Variants in PLBD2 observed in about 807,000 individuals in gnomAD.
The protein encoded by PLBD2 is phospholipase B domain containing 2.
A neutral mutation model predicts 68.3 loss-of-function variants in PLBD2; 51 were observed. The observed-to-expected ratio is 0.75, with a 90% CI of 0.60 to 0.94. The LOEUF (loss-of-function observed/expected upper bound fraction) is 0.94. PLBD2 is among the 40% of genes least tolerant of loss of function. PLBD2 has a pLI of 0.00. For missense variants in PLBD2, 729 were observed against 792.2 expected, an observed-to-expected ratio of 0.92 and a Z score of 0.96; for synonymous variants, 314 against 339.3, an observed-to-expected ratio of 0.93 and a Z score of 0.82.
chr12:113,376,485 A>G lies in PLBD2; in HGVS notation c.859+1478A>G, dbSNP rs540468673. Among the ~76,000 whole-genome samples the G allele has an allele frequency of 4.6e-5, 7 of 152,244 alleles. No individual in the cohort carries two copies. In the South Asian group the frequency reaches 1.2e-3, roughly 27 times the overall value. On this transcript the variant is annotated intron_variant, in intron 5 of 11. Coordinates refer to ENST00000280800, the MANE Select transcript of PLBD2 (RefSeq NM_173542.4). The stretch of plus-strand genomic sequence containing the variant: ...GGCTGACACAGCATTCTTTATCCAA[A>G]TCAAGTCAGGTGGCCAGCCCAGGCT...
At chr12:113,385,081 G>A (rs906663753) in intron 8 of PLBD2, 131 bp from the exon 9 acceptor site, 7 of 1,306,010 alleles carry the variant, frequency 5.4e-6, no homozygotes, top group Non-Finnish European at 7.5e-6. Flanking sequence ...GGTGTCCCTG[G>A]TGGGGGCTGA....
intron 1 of PLBD2, among the ~76,000 whole-genome samples, chr12:113,365,079 G>T (rs895590684): frequency 2.0e-5 from 3 of 152,060 alleles, no homozygotes; most frequent in Non-Finnish European, 2.9e-5. Flanking sequence ...TAATTAGCCC[G>T]AAGTTCATGG....
intron 1 of PLBD2, among the ~76,000 whole-genome samples, chr12:113,364,805 G>T (rs1000071535): frequency 1.3e-5 from 2 of 152,044 alleles, no homozygotes; most frequent in African/African-American, 4.8e-5. Context: ...AGTGCATAAT[G>T]TGTGTTCTCT....
intron 3 of PLBD2, among the ~76,000 whole-genome samples, chr12:113,374,048 A>G (rs1366406262): frequency 2.0e-5 from 3 of 152,092 alleles, no homozygotes; most frequent in Admixed American, 1.3e-4. Flanking sequence ...CACACTGATG[A>G]TACTTTATGG....
At position 113,380,893 on chromosome 12, in the gene PLBD2, C is replaced by T. The variant is rs371541318; in HGVS notation, c.957+51C>T. ...TGTTCCTGGGGTGTTTGTCACACGG[C>T]GGCTCTGAGCTGGCAGGATTGATTC... On this transcript the variant is annotated intron_variant, in intron 6 of 11. Coordinates refer to ENST00000280800, the MANE Select transcript of PLBD2 (RefSeq NM_173542.4). The T allele has an allele frequency of 2.9e-5, 43 of 1,491,614 alleles. No individual in the cohort carries two copies. The African/African-American group carries it at 2.9e-4, about 10-fold the overall frequency. 92.4% of individuals were successfully genotyped at this position (1,491,614 alleles called of 1,614,324 possible). A position where few individuals can be genotyped will look rare whatever the true frequency, so the allele number is the denominator to read the frequency against.
At chr12:113,366,129 C>G (rs752235447) in intron 1 of PLBD2, among the ~76,000 whole-genome samples, 1 of 152,138 alleles carries the variant, frequency 6.6e-6, no homozygotes, top group African/African-American at 2.4e-5. Context: ...GTCTTTCCCT[C>G]TCCAGAGTCT....
intron 6 of PLBD2, among the ~76,000 whole-genome samples, chr12:113,383,004 G>A (rs1193376104): frequency 6.6e-6 from 1 of 151,742 alleles, no homozygotes; most frequent in Non-Finnish European, 1.5e-5. Context: ...CCGAATAGCT[G>A]GGATTACATG....
At position 113,387,620 on chromosome 12, in the gene PLBD2, A is replaced by G. The variant is rs548036474; in HGVS notation, c.1440-124A>G. On this transcript the variant is annotated intron_variant, in intron 10 of 11. Coordinates refer to ENST00000280800, the MANE Select transcript of PLBD2 (RefSeq NM_173542.4). Reference sequence around the variant, plus strand: ...AGAGGAACTGTCGGGGGTAGTGTGCAGTGGGAGGGGCTCATCAAGTTGAAG... The same window carrying G: ...AGAGGAACTGTCGGGGGTAGTGTGCGGTGGGAGGGGCTCATCAAGTTGAAG... 16 of 1,051,320 alleles carry G rather than the reference A, an allele frequency of 1.5e-5. No homozygotes were observed. The East Asian group carries it at 3.8e-4, about 25-fold the overall frequency. 65.1% of individuals were successfully genotyped at this position (1,051,320 alleles called of 1,614,324 possible). A position where few individuals can be genotyped will look rare whatever the true frequency, so the allele number is the denominator to read the frequency against.
At chr12:113,374,638 C>A in intron 4 of PLBD2, 64 bp downstream of exon 4, 1 of 1,483,676 alleles carries the variant, frequency 6.7e-7, no homozygotes, top group Non-Finnish European at 9.2e-7. Context: ...GTCGGACAGA[C>A]CTGGGTTCCA....
At position 113,384,161 on chromosome 12, in the gene PLBD2, G is replaced by T. The variant is rs746605375; in HGVS notation, c.1014G>T (p.Arg338=). The T allele has an allele frequency of 3.7e-6, 6 of 1,613,840 alleles. No individual in the cohort carries two copies. Among genetic ancestry groups the T allele is most frequent in the Middle Eastern group, 1.6e-4 (1 of 6,082 alleles). Reference sequence around the variant, plus strand: ...ACCCAGCCCTGTGGAAGTATGTGCGGCCCAGGGGCTGTGTGCTGGAGTGGG... The same window carrying T: ...ACCCAGCCCTGTGGAAGTATGTGCGTCCCAGGGGCTGTGTGCTGGAGTGGG... ...NKNPALWKYV[R]PRGCVLEWVR... is the part of the protein sequence containing the mutation. Residue 338 remains arginine, a synonymous_variant, in exon 7 of 12, where the codon CGG becomes CGT. Transcript: ENST00000280800. The surrounding 1 kb of genome is among the most constrained non-coding windows in gnomAD (Gnocchi z 4.2).
chr12:113,370,441 A>T (rs868652387), intron 2 of PLBD2, among the ~76,000 whole-genome samples: 2 of 147,224 alleles, frequency 1.4e-5, no homozygotes, highest in Non-Finnish European at 3.0e-5. Context: ...TGTGTATCAG[A>T]TAGTACCTAG....
At chr12:113,363,213 T>C in intron 1 of PLBD2, among the ~76,000 whole-genome samples, 1 of 152,036 alleles carries the variant, frequency 6.6e-6, no homozygotes, top group East Asian at 1.9e-4. Flanking sequence ...GGCAGGAGGA[T>C]TGCTTGAGCC....
In PLBD2 at chr12:113,384,989, G is replaced by A; in HGVS notation, c.1214+43G>A. The A allele has an allele frequency of 6.5e-7, 1 of 1,541,750 alleles. No individual in the cohort carries two copies. The highest frequency in any genetic ancestry group is 2.1e-4 in the Middle Eastern group (1 of 4,814). On this transcript the variant is annotated intron_variant, in intron 8 of 11. Transcript: ENST00000280800. This position sits in a 1 kb window ranked among gnomAD's most constrained non-coding sequence, Gnocchi z 4.2. ...GAGGGGTGGGGGCTCGGGGCAGAGGGGACTGCCAGGGTGAAGGCCCAGAGC... is the reference window on the plus strand; with the variant it reads ...GAGGGGTGGGGGCTCGGGGCAGAGGAGACTGCCAGGGTGAAGGCCCAGAGC...
intron 9 of PLBD2, among the ~76,000 whole-genome samples, chr12:113,386,519 ATT>A (rs35879677): frequency 5.5e-5 from 7 of 126,786 alleles, no homozygotes; most frequent in Admixed American, 1.6e-4. Context: ...ACGCCGGCTA[ATT>A]TTTTTTTTTT....
chr12:113,375,064 G>A (rs1957427953), intron 5 of PLBD2, 57 bp downstream of exon 5: 1 of 1,539,332 alleles, frequency 6.5e-7, no homozygotes, highest in Non-Finnish European at 8.9e-7. Context: ...CACACGTGGG[G>A]AGTGGTCCTA....
chr12:113,381,251 C>G (rs561810793), intron 6 of PLBD2, among the ~76,000 whole-genome samples: 6 of 152,002 alleles, frequency 3.9e-5, no homozygotes, highest in African/African-American at 7.2e-5. Flanking sequence ...CCCCGCCCCC[C>G]CCACATCCCC....
chr12:113,384,920 G>T lies in PLBD2; in HGVS notation c.1188G>T (p.Arg396=), dbSNP rs1796084321. 1.2e-6 allele frequency: 2 copies of T among 1,613,832 alleles called. No homozygotes were observed. ...FIPGGPSPGS[R]VLTILEQIPG... ...CGGGTGGGCCCAGCCCCGGGAGCCG[G>T]GTGCTTACCATCCTGGAGCAGATCC... The change falls in exon 8 of 12, where the codon CGG becomes CGT. Residue 396 remains arginine (R), a synonymous_variant. Coordinates refer to ENST00000280800, the MANE Select transcript of PLBD2 (RefSeq NM_173542.4). This position sits in a 1 kb window ranked among gnomAD's most constrained non-coding sequence, Gnocchi z 4.2.
rs1027667627 is a variant in PLBD2 at position 113,384,437 on chromosome 12, C to T, written c.1118+172C>T. On this transcript the variant is annotated intron_variant, in intron 7 of 11. Transcript: ENST00000280800. The surrounding 1 kb of genome is among the most constrained non-coding windows in gnomAD (Gnocchi z 4.2). ...CTAGGGAAGGAAAGGATTTGCCCCT[C>T]CCCTGCAGGCTCCTCAGCCTAGGAA... 1.2e-4 allele frequency among the ~76,000 whole-genome samples: 18 copies of T among 152,178 alleles called. No individual in the cohort carries two copies. The highest frequency in any genetic ancestry group is 4.3e-4 in the African/African-American group (18 of 41,440).
chr12:113,378,136 A>G (rs571978371), intron 5 of PLBD2, among the ~76,000 whole-genome samples: 48 of 152,306 alleles, frequency 3.2e-4, no homozygotes, highest in South Asian at 2.3e-3. Context: ...TACTAAAAAT[A>G]CAAAAACTAG....
Sources: gnomAD v4.1 joint callset for allele counts (sites outside exome capture counted in the v4.1 genomes callset) on GRCh38, gnomAD v4.1.1 for gene constraint, Gnocchi (gnomAD v3.1) non-coding constraint, MANE v1.5 for transcripts, NCBI Gene and HGNC (gene_info 2026-07-23, HGNC 2026-07-21) for gene names.